Variants in MGAT4C observed in about 807,000 individuals in gnomAD.
MGAT4C encodes the protein MGAT4 family member C.
A neutral mutation model predicts 40.1 loss-of-function variants in MGAT4C; 19 were observed. The ratio of observed to expected loss-of-function variants is 0.47; its 90% CI spans 0.33 to 0.70. MGAT4C has a LOEUF of 0.70. Ranked by LOEUF, MGAT4C falls within the 30% of genes least tolerant of loss-of-function variation. The probability of loss-of-function intolerance (pLI) is 0.02; values close to 1 mark genes in which losing one functional copy is unlikely to be tolerated. For missense variants in MGAT4C, 491 were observed against 563.2 expected (o/e 0.87, Z 1.30); for synonymous variants, 181 against 187.1 (o/e 0.97, Z 0.27).
chr12:86,164,368 C>T (rs1009821916), intron 1 of MGAT4C, among the ~76,000 whole-genome samples: 2 of 152,082 alleles, frequency 1.3e-5, no homozygotes, highest in South Asian at 2.1e-4. Flanking sequence ...AAAACTGAAA[C>T]GCATGTATTT....
At chr12:86,476,056 G>T (rs1327010284) in intron 2 of MGAT4C, among the ~76,000 whole-genome samples, 1 of 152,002 alleles carries the variant, frequency 6.6e-6, no homozygotes, top group Admixed American at 6.6e-5. Flanking sequence ...GTACATGTGT[G>T]CACGTGTGTC....
intron 2 of MGAT4C, among the ~76,000 whole-genome samples, chr12:86,518,684 C>A (rs1301699824): frequency 6.6e-6 from 1 of 152,082 alleles, no homozygotes; most frequent in African/African-American, 2.4e-5. Context: ...ATTCCTAGGC[C>A]TTTCCATATG....
chr12:86,707,246 T>C (rs1950474184), intron 2 of MGAT4C, among the ~76,000 whole-genome samples: 4 of 152,116 alleles, frequency 2.6e-5, no homozygotes, highest in Admixed American at 2.0e-4. Flanking sequence ...TTGAAACAGT[T>C]TGGAGGGCTC....
At chr12:86,830,674 C>T (rs1241924872) in intron 1 of MGAT4C, among the ~76,000 whole-genome samples, 2 of 151,586 alleles carry the variant, frequency 1.3e-5, no homozygotes, top group African/African-American at 4.8e-5. Flanking sequence ...TAAGACCATG[C>T]TCTATTGCAT....
At chr12:86,209,441 A>C (rs1950376614) in intron 1 of MGAT4C, among the ~76,000 whole-genome samples, 1 of 152,158 alleles carries the variant, frequency 6.6e-6, no homozygotes, top group Admixed American at 6.5e-5. Context: ...ATGAATATAA[A>C]AAGTCACAAC....
chr12:86,480,077 T>C (rs1178610529), intron 2 of MGAT4C, among the ~76,000 whole-genome samples: 2 of 151,856 alleles, frequency 1.3e-5, no homozygotes, highest in Non-Finnish European at 2.9e-5. Context: ...AAATCTATGC[T>C]TCTATTATGA....
intron 4 of MGAT4C, among the ~76,000 whole-genome samples, chr12:86,305,258 G>A (rs1316925153): frequency 6.7e-6 from 1 of 149,922 alleles, no homozygotes; most frequent in Non-Finnish European, 1.5e-5. Context: ...TGACCAACAT[G>A]GAGAAACACC....
chr12:86,105,879 C>A (rs957227350), intron 1 of MGAT4C, among the ~76,000 whole-genome samples: 12 of 152,180 alleles, frequency 7.9e-5, no homozygotes, highest in Admixed American at 5.9e-4. Context: ...TGTGCACTTA[C>A]TTTACAAATA....
chr12:86,051,366 G>A (rs957687046), intron 1 of MGAT4C, among the ~76,000 whole-genome samples: 16 of 151,854 alleles, frequency 1.1e-4, no homozygotes, highest in African/African-American at 3.9e-4. Flanking sequence ...ATTCATCTTT[G>A]TATGGCTATC....
chr12:86,800,578 T>A (rs1336055903), intron 1 of MGAT4C, among the ~76,000 whole-genome samples: 2 of 151,866 alleles, frequency 1.3e-5, no homozygotes, highest in Admixed American at 1.3e-4. Context: ...GAGTTAGGTA[T>A]CAGAGGGAGT....
Position 85,974,897 on chromosome 12 carries a change from A to G in MGAT4C, c.*4392T>C, listed in dbSNP as rs1213616381. 6.6e-6 allele frequency: 1 copy of G among 150,526 alleles called. No homozygotes were observed. The highest frequency in any genetic ancestry group is 1.5e-5 in the Non-Finnish European group (1 of 66,888). The allele number at this position is 150,526 out of a possible 1,614,324, so 9.3% of individuals were successfully genotyped here. A position where few individuals can be genotyped will look rare whatever the true frequency, so the allele number is the denominator to read the frequency against. On this transcript the variant is annotated 3_prime_UTR_variant, in exon 5 of 5. Coordinates refer to ENST00000611864, the MANE Select transcript of MGAT4C (RefSeq NM_001351288.2). Reference sequence around the variant, plus strand: ...GTCAGTGCATTGATAACTTTTGCCAATGATAGAAAAGATGCCAGAGAACCG... The same window carrying G: ...GTCAGTGCATTGATAACTTTTGCCAGTGATAGAAAAGATGCCAGAGAACCG...
intron 2 of MGAT4C, among the ~76,000 whole-genome samples, chr12:86,048,407 C>T (rs774680427): frequency 3.3e-5 from 5 of 151,882 alleles, no homozygotes; most frequent in Admixed American, 6.6e-5. Context: ...ATATACCAAA[C>T]GACAGTGAAA....
chr12:86,413,858 G>A (rs898180516), intron 3 of MGAT4C, among the ~76,000 whole-genome samples: 3 of 152,144 alleles, frequency 2.0e-5, no homozygotes, highest in Non-Finnish European at 4.4e-5. Context: ...GTTTGGACAT[G>A]TTAGTGTAAT....
chr12:86,595,376 CAAA>C (rs1239151258), intron 2 of MGAT4C, among the ~76,000 whole-genome samples: 1 of 151,880 alleles, frequency 6.6e-6, no homozygotes, highest in African/African-American at 2.4e-5. Context: ...ACTAAAAATA[CAAA>C]AATTAGCAGG....
At chr12:86,505,182 G>T (rs1424615738) in intron 2 of MGAT4C, among the ~76,000 whole-genome samples, 1 of 151,830 alleles carries the variant, frequency 6.6e-6, no homozygotes, top group Non-Finnish European at 1.5e-5. Flanking sequence ...GACATTAATG[G>T]CTTCATGACT....
intron 2 of MGAT4C, among the ~76,000 whole-genome samples, chr12:86,021,722 A>G (rs992971262): frequency 5.3e-5 from 8 of 152,176 alleles, no homozygotes; most frequent in African/African-American, 1.7e-4. Flanking sequence ...CATGTACCCT[A>G]AAACTTAGAG....
Position 86,453,442 on chromosome 12 carries a change from C to T in MGAT4C, c.-228-18177G>A, listed in dbSNP as rs144460678. ...AATATTCTGGACTAATAAGGGAAAA[C>T]TTCACCTAGTTTAAGCAATTTGGTG... On this transcript the variant is annotated intron_variant, in intron 2 of 7. Coordinates refer to the MGAT4C transcript ENST00000548651. Among the ~76,000 whole-genome samples the T allele has an allele frequency of 3.3e-3, 500 of 152,204 alleles. 3 individuals carry two copies. The highest frequency in any genetic ancestry group is 0.011 in the African/African-American group (477 of 41,540).
At chr12:86,484,734 A>C (rs796575881) in intron 2 of MGAT4C, among the ~76,000 whole-genome samples, 11 of 152,264 alleles carry the variant, frequency 7.2e-5, no homozygotes, top group African/African-American at 2.6e-4. Flanking sequence ...AGTCAGCCCG[A>C]CAGCCTTTCC....
intron 2 of MGAT4C, among the ~76,000 whole-genome samples, chr12:86,598,266 A>C (rs1317996681): frequency 6.6e-6 from 1 of 152,138 alleles, no homozygotes; most frequent in Non-Finnish European, 1.5e-5. Flanking sequence ...ACAATGTATA[A>C]TTTATATATA....
Sources: gnomAD v4.1 joint callset for allele counts (sites outside exome capture counted in the v4.1 genomes callset) on GRCh38, gnomAD v4.1.1 for gene constraint, MANE v1.5 for transcripts, NCBI Gene and HGNC (gene_info 2026-07-23, HGNC 2026-07-21) for gene names.